The following CHSY3 variants were observed in gnomAD, a reference collection of about 807,000 sequenced individuals.
CHSY3 encodes the protein chondroitin sulfate synthase 3, also known as N-acetylgalactosaminyl-proteoglycan 3-beta-glucuronosyltransferase 3.
Under a neutral mutation model 67.2 loss-of-function variants are expected in CHSY3, and 35 were observed. The observed-to-expected ratio is 0.52, with a 90% CI of 0.40 to 0.69. The LOEUF is 0.69. CHSY3 is among the 30% of genes least tolerant of loss of function. The pLI, the probability that CHSY3 is intolerant of heterozygous loss-of-function variation, is 0.00. For synonymous variants in CHSY3, 474 were observed against 434.7 expected, an observed-to-expected ratio of 1.09 and a Z score of -1.12; for missense variants, 1,069 against 1,138.5, an observed-to-expected ratio of 0.94 and a Z score of 0.88.
Position 129,918,833 on chromosome 5 carries a change from C to A in CHSY3, c.1086+10473C>A, listed in dbSNP as rs957617672. Among the ~76,000 whole-genome samples the A allele has an allele frequency of 3.4e-4, 50 of 149,202 alleles. 1 individual carries two copies. The highest frequency in any genetic ancestry group is 1.2e-3 in the African/African-American group (48 of 40,732). On this transcript the variant is annotated intron_variant, in intron 2 of 2. Transcript: ENST00000305031. Reference sequence around the variant, plus strand: ...TAAAAAAAAAAAAAAATTGGCCGGGCGCGGTGGCTCACGCCTGTAATCCCA... The same window carrying A: ...TAAAAAAAAAAAAAAATTGGCCGGGAGCGGTGGCTCACGCCTGTAATCCCA...
chr5:130,117,937 G>A (rs1330776160), intron 2 of CHSY3, among the ~76,000 whole-genome samples: 2 of 152,174 alleles, frequency 1.3e-5, no homozygotes, highest in Admixed American at 1.3e-4. Flanking sequence ...ATTGGACCAT[G>A]GAGGCAGATT....
intron 2 of CHSY3, among the ~76,000 whole-genome samples, chr5:129,961,772 A>G (rs1252564690): frequency 1.3e-5 from 2 of 152,018 alleles, no homozygotes; most frequent in Non-Finnish European, 2.9e-5. Flanking sequence ...ACAACCTGAC[A>G]TAAACTTGTG....
At chr5:129,963,892 G>A (rs1242077456) in intron 2 of CHSY3, among the ~76,000 whole-genome samples, 1 of 151,878 alleles carries the variant, frequency 6.6e-6, no homozygotes, top group Non-Finnish European at 1.5e-5. Context: ...GTGTATATGT[G>A]TAGGTGTGTA....
intron 2 of CHSY3, among the ~76,000 whole-genome samples, chr5:130,163,826 A>G: frequency 6.6e-6 from 1 of 152,030 alleles, no homozygotes; most frequent in East Asian, 1.9e-4. Flanking sequence ...ACACCAAACT[A>G]TGTGATATAT....
intron 2 of CHSY3, among the ~76,000 whole-genome samples, chr5:130,100,557 G>T (rs766466050): frequency 1.3e-5 from 2 of 151,984 alleles, no homozygotes; most frequent in Non-Finnish European, 2.9e-5. Context: ...TTTTTCCCTA[G>T]ATTCCACCTA....
intron 2 of CHSY3, among the ~76,000 whole-genome samples, chr5:130,155,673 G>T (rs1769359209): frequency 6.6e-6 from 1 of 152,146 alleles, no homozygotes; most frequent in Non-Finnish European, 1.5e-5. Context: ...TTTCCAGATG[G>T]TTTAGGCATT....
At chr5:129,964,935 C>T (rs1315355429) in intron 2 of CHSY3, among the ~76,000 whole-genome samples, 2 of 151,858 alleles carry the variant, frequency 1.3e-5, no homozygotes, top group Admixed American at 6.6e-5. Flanking sequence ...AATACCAGTA[C>T]ATTATTTGAA....
intron 2 of CHSY3, among the ~76,000 whole-genome samples, chr5:129,937,046 T>C (rs1761516892): frequency 6.6e-6 from 1 of 152,240 alleles, no homozygotes; most frequent in African/African-American, 2.4e-5. Flanking sequence ...ACTCTCGTTC[T>C]CTTTTTGGTT....
chr5:129,989,802 G>A (rs1763308126), intron 2 of CHSY3, among the ~76,000 whole-genome samples: 1 of 152,072 alleles, frequency 6.6e-6, no homozygotes, highest in Non-Finnish European at 1.5e-5. Flanking sequence ...ATATTACTTT[G>A]GTAAGTTAAT....
intron 2 of CHSY3, among the ~76,000 whole-genome samples, chr5:130,117,034 A>G (rs1767831474): frequency 6.6e-6 from 1 of 152,154 alleles, no homozygotes; most frequent in Admixed American, 6.5e-5. Context: ...CTTGCAGTGT[A>G]TCCTTTCAGT....
intron 2 of CHSY3, among the ~76,000 whole-genome samples, chr5:129,947,480 G>A (rs572483400): frequency 2.0e-5 from 3 of 151,926 alleles, no homozygotes; most frequent in Non-Finnish European, 2.9e-5. Flanking sequence ...AAAATTAGCC[G>A]GGTTTGGTGG....
intron 2 of CHSY3, among the ~76,000 whole-genome samples, chr5:129,932,358 T>C (rs1761345319): frequency 6.6e-6 from 1 of 151,890 alleles, no homozygotes; most frequent in African/African-American, 2.4e-5. Context: ...CCCTTAAGAC[T>C]TTCAATTGAT....
At chr5:130,010,165 A>G (rs943500094) in intron 2 of CHSY3, among the ~76,000 whole-genome samples, 2 of 152,150 alleles carry the variant, frequency 1.3e-5, no homozygotes, top group Admixed American at 6.5e-5. Flanking sequence ...TCCATCCAAC[A>G]AAAAGAGAAT....
chr5:130,181,697 T>C (rs2149737538), intron 2 of CHSY3, among the ~76,000 whole-genome samples: 1 of 152,296 alleles, frequency 6.6e-6, no homozygotes, highest in Admixed American at 6.5e-5. Flanking sequence ...CTCCAGAAGC[T>C]TCCCTCTTCT....
intron 2 of CHSY3, among the ~76,000 whole-genome samples, chr5:130,160,762 G>T (rs1369597394): frequency 1.3e-5 from 2 of 152,128 alleles, no homozygotes; most frequent in Non-Finnish European, 2.9e-5. Flanking sequence ...CCAAATGAGG[G>T]TTCAGTGGAG....
chr5:130,163,464 T>A (rs73788423), intron 2 of CHSY3, among the ~76,000 whole-genome samples: 6,977 of 152,268 alleles, frequency 0.046, 489 homozygotes, highest in African/African-American at 0.15. Context: ...CTCCCAACTA[T>A]TAATGACACT....
intron 2 of CHSY3, among the ~76,000 whole-genome samples, chr5:129,927,643 TTTA>T (rs1373723183): frequency 6.6e-6 from 1 of 152,070 alleles, no homozygotes; most frequent in Non-Finnish European, 1.5e-5. Context: ...TATTTCAGGT[TTTA>T]TTGTATAGTG....
chr5:130,036,692 T>C (rs1764871356), intron 2 of CHSY3, among the ~76,000 whole-genome samples: 1 of 152,118 alleles, frequency 6.6e-6, no homozygotes, highest in African/African-American at 2.4e-5. Context: ...AGTTTCTTCA[T>C]GTGTGGAAAG....
intron 2 of CHSY3, among the ~76,000 whole-genome samples, chr5:130,039,415 C>A (rs985256318): frequency 1.8e-4 from 21 of 119,536 alleles, no homozygotes; most frequent in African/African-American, 5.5e-4. Flanking sequence ...TCTCTTGAGC[C>A]AGGAGTCCAA....
Sources: gnomAD v4.1 joint callset for allele counts (sites outside exome capture counted in the v4.1 genomes callset) on GRCh38, gnomAD v4.1.1 for gene constraint, MANE v1.5 for transcripts, NCBI Gene and HGNC (gene_info 2026-07-23, HGNC 2026-07-21) for gene names.